Variants in HNRNPH1 observed in about 807,000 individuals in gnomAD.
The protein encoded by HNRNPH1 is heterogeneous nuclear ribonucleoprotein H.
HNRNPH1 carries 4 observed loss-of-function variants against 58.6 expected under a neutral mutation model. The ratio of observed to expected loss-of-function variants is 0.07; its 90% confidence interval spans 0.03 to 0.16. The LOEUF is 0.16. HNRNPH1 is among the 10% of genes least tolerant of loss of function. The pLI is 1.00. For synonymous variants in HNRNPH1, 192 were observed against 189.2 expected (o/e 1.01, Z -0.12); for missense variants, 271 against 564.2 (o/e 0.48, Z 5.26).
At chr5:179,632,753 C>CCTTTTTT (rs1554137222) in intron 2 of HNRNPH1, among the ~76,000 whole-genome samples, 3 of 92,006 alleles carry the variant, frequency 3.3e-5, no homozygotes, top group Non-Finnish European at 6.0e-5. Context: ...AATCAAATAT[C>CCTTTTTT]TTTTTTTTTT....
chr5:179,615,003 A>C, intron 12 of HNRNPH1, 44 bp from the exon 14 acceptor site: 2 of 1,115,326 alleles, frequency 1.8e-6, no homozygotes, highest in African/African-American at 3.1e-5. Context: ...ATATCAGACT[A>C]CCAGTCAAAT....
chr5:179,617,835 T>A, exon 7 of HNRNPH1: 1 of 1,613,914 alleles, frequency 6.2e-7, no homozygotes, highest in Non-Finnish European at 8.5e-7. Flanking sequence ...TGTAAGGTAA[T>A]CCCCGCATGT....
At chr5:179,621,957 G>C (rs1382218451) in intron 1 of HNRNPH1, 1 of 456,310 alleles carries the variant, frequency 2.2e-6, no homozygotes, top group South Asian at 1.5e-5. Context: ...TGTTTTACAG[G>C]TCGCTTTCCG....
exon 3 of HNRNPH1, chr5:179,620,982 T>C: frequency 1.2e-6 from 2 of 1,614,126 alleles, no homozygotes; most frequent in Non-Finnish European, 1.7e-6. Context: ...TCAGGACTAT[T>C]TGGACCAGTA....
rs1768856317 is a variant in HNRNPH1, at chr5:179,615,077, G to A, written c.*1-118C>T. 4 of 680,448 alleles carry A rather than the reference G, an allele frequency of 5.9e-6. No homozygotes were observed. The South Asian group carries it at 6.7e-5, about 11-fold the overall frequency. 42.2% of individuals were successfully genotyped at this position (680,448 alleles called of 1,614,324 possible). On this transcript the variant is annotated intron_variant, in intron 12 of 12. Coordinates refer to ENST00000356731, the Ensembl canonical transcript of HNRNPH1. ...GAGTACAAATGGCTGCTGTCCAAGT[G>A]GCGAGACGCATGTTTGGGAAAGGGG...
intron 2 of HNRNPH1, among the ~76,000 whole-genome samples, chr5:179,632,774 T>TTTTTTTTG: frequency 6.7e-6 from 1 of 148,568 alleles, no homozygotes; most frequent in African/African-American, 2.5e-5. Flanking sequence ...TTTTTTTTTT[T>TTTTTTTTG]GAGACGGAGT....
At chr5:179,619,960 C>T (rs1771530601) in intron 3 of HNRNPH1, 1 of 152,236 alleles carries the variant, frequency 6.6e-6, no homozygotes, top group Non-Finnish European at 1.5e-5. Flanking sequence ...TTATGATTCA[C>T]TTCTGGAAAT....
intron 12 of HNRNPH1, 37 bp from the exon 14 acceptor site, chr5:179,614,996 TCAGACTAC>T (rs756565345): frequency 8.6e-7 from 1 of 1,159,582 alleles, no homozygotes; most frequent in Admixed American, 2.0e-5. Flanking sequence ...AGGAGTAATA[TCAGACTAC>T]CAGTCAAATA....
At chr5:179,615,267 A>G in intron 12 of HNRNPH1, 2 of 442,862 alleles carry the variant, frequency 4.5e-6, no homozygotes, top group East Asian at 6.9e-5. Flanking sequence ...TCGTATTTTT[A>G]AAGCTAAACA....
chr5:179,617,291 G>C (rs4131080), intron 8 of HNRNPH1, 181 bp from the exon 10 acceptor site: 4 of 731,268 alleles, frequency 5.5e-6, no homozygotes, highest in South Asian at 1.9e-5. Context: ...ATATTCATCT[G>C]TATTGTCAAT....
At chr5:179,617,140 G>A (rs774162230) in intron 8 of HNRNPH1, 30 bp from the exon 10 acceptor site, 2 of 1,601,378 alleles carry the variant, frequency 1.2e-6, no homozygotes, top group Admixed American at 1.7e-5. Context: ...GTTTGAAAAT[G>A]TTTGTTGGTG....
In HNRNPH1 at chr5:179,632,256, C is replaced by T. The variant is rs1301535000; in HGVS notation, c.-32+1809G>A. ...CCGGGAGGCGGAGCTTGCAGTGAGCCAAGATCCCGCCACCGCACTCCAGCC... is the reference window on the plus strand; with the variant it reads ...CCGGGAGGCGGAGCTTGCAGTGAGCTAAGATCCCGCCACCGCACTCCAGCC... On this transcript the variant is annotated intron_variant, in intron 2 of 4. Transcript: ENST00000521116. Among the ~76,000 whole-genome samples the T allele has an allele frequency of 5.3e-5, 8 of 150,492 alleles. No homozygotes were observed. In the East Asian group the frequency reaches 1.6e-3, roughly 30 times the overall value.
chr5:179,619,682 T>G lies in HNRNPH1; in HGVS notation c.398-275A>C, dbSNP rs78103865. 142 of 242,398 alleles carry G rather than the reference T, an allele frequency of 5.9e-4. No individual in the cohort carries two copies. In the East Asian group the frequency reaches 0.01, roughly 17 times the overall value. The allele number at this position is 242,398 out of a possible 1,614,324, so 15.0% of individuals were successfully genotyped here. A position where few individuals can be genotyped will look rare whatever the true frequency, so the allele number is the denominator to read the frequency against. On this transcript the variant is annotated intron_variant, in intron 3 of 12. Transcript: ENST00000356731. ...GAATTCAACAACTTAAGAACACATA[T>G]CTATGCAACTTAATGTTGAGAATTA...
intron 10 of HNRNPH1, chr5:179,616,504 G>C: frequency 1.9e-6 from 1 of 522,844 alleles, no homozygotes; most frequent in South Asian, 2.3e-5. Flanking sequence ...GAAACTGCTT[G>C]ACTGGATTTA....
chr5:179,623,209 T>G, exon 1 of HNRNPH1: 2 of 1,081,474 alleles, frequency 1.8e-6, no homozygotes, highest in Non-Finnish European at 2.7e-6. Flanking sequence ...AATTAAGCTG[T>G]CCTTCGCCTC....
At chr5:179,615,080 GA>G in intron 12 of HNRNPH1, 121 bp from the exon 14 acceptor site, 2 of 672,580 alleles carry the variant, frequency 3.0e-6, no homozygotes, top group South Asian at 3.4e-5. Flanking sequence ...TCCAAGTGGC[GA>G]GACGCATGTT....
At chr5:179,616,026 T>G in intron 11 of HNRNPH1, 100 bp downstream of exon 12, 1 of 1,065,728 alleles carries the variant, frequency 9.4e-7, no homozygotes, top group South Asian at 1.3e-5. Context: ...TGCGACTTAC[T>G]CTAAGTACAG....
chr5:179,622,115 G>A (rs1772689744), intron 1 of HNRNPH1: 2 of 404,670 alleles, frequency 4.9e-6, no homozygotes, highest in South Asian at 1.8e-5. Flanking sequence ...AAAATATTCA[G>A]GAAACCTATG....
intron 3 of HNRNPH1, 147 bp from the exon 5 acceptor site, chr5:179,619,554 T>C (rs1338292481): frequency 3.3e-6 from 2 of 611,226 alleles, no homozygotes; most frequent in Non-Finnish European, 5.7e-6. Flanking sequence ...TAAATATGCA[T>C]TGCAATAATA....
Sources: allele counts gnomAD v4.1 joint callset (sites outside exome capture counted in the v4.1 genomes callset), GRCh38; gene constraint gnomAD v4.1.1; transcripts MANE v1.5; gene names NCBI Gene and HGNC (gene_info 2026-07-23, HGNC 2026-07-21).